SDK1: variants seen among roughly 807,000 people sequenced by gnomAD.
SDK1 encodes the protein sidekick cell adhesion molecule 1, also known as protein sidekick-1.
In SDK1, 157 loss-of-function variants were observed where a neutral mutation model predicts 245.5. That is an observed-to-expected ratio of 0.64 (90% confidence interval 0.56 to 0.73). The LOEUF (loss-of-function observed/expected upper bound fraction) is 0.73, where lower values mean the gene tolerates loss of function less well. Ranked by LOEUF, SDK1 falls within the 30% of genes least tolerant of loss-of-function variation. The probability of loss-of-function intolerance (pLI) is 0.00; values close to 1 mark genes in which losing one functional copy is unlikely to be tolerated. For synonymous variants in SDK1, 1,647 were observed against 1,278.5 expected, an observed-to-expected ratio of 1.29 and a Z score of -6.15; for missense variants, 3,583 against 3,002.3, an observed-to-expected ratio of 1.19 and a Z score of -4.52.
At chr7:4,104,379 A>C (rs1469553385) in intron 22 of SDK1, among the ~76,000 whole-genome samples, 1 of 152,150 alleles carries the variant, frequency 6.6e-6, no homozygotes, top group Admixed American at 6.5e-5. Flanking sequence ...GCTTTAATAA[A>C]CCTGCTAGGG....
At chr7:3,884,428 A>G (rs28560779) in intron 5 of SDK1, among the ~76,000 whole-genome samples, 2 of 152,142 alleles carry the variant, frequency 1.3e-5, no homozygotes, top group Non-Finnish European at 2.9e-5. Context: ...GTTTGTGAGT[A>G]TCACTGCACG....
In SDK1 at chr7:3,749,225, C is replaced by T. The variant is rs112106711; in HGVS notation, c.714-72225C>T. Reference sequence around the variant, plus strand: ...AATCTCTGCTCACTGCAACCTCCGCCTCCTGGTTTCAAGCAATTCTCCTGC... The same window carrying T: ...AATCTCTGCTCACTGCAACCTCCGCTTCCTGGTTTCAAGCAATTCTCCTGC... On this transcript the variant is annotated intron_variant, in intron 4 of 44. Transcript: ENST00000404826. Among the ~76,000 whole-genome samples the T allele has an allele frequency of 6.3e-3, 958 of 152,266 alleles. 9 individuals are homozygous for T. Among genetic ancestry groups the T allele is most frequent in the African/African-American group, 0.022 (894 of 41,534 alleles).
At chr7:3,644,438 T>G (rs1386984996) in intron 4 of SDK1, among the ~76,000 whole-genome samples, 1 of 151,856 alleles carries the variant, frequency 6.6e-6, no homozygotes, top group East Asian at 1.9e-4. Context: ...GAAGGATCAA[T>G]TTTTCATTCT....
intron 19 of SDK1, among the ~76,000 whole-genome samples, chr7:4,066,361 C>G (rs544471725): frequency 6.6e-6 from 1 of 152,182 alleles, no homozygotes; most frequent in Non-Finnish European, 1.5e-5. Context: ...TGGAGGGGCA[C>G]TTTCAGGCAC....
intron 21 of SDK1, among the ~76,000 whole-genome samples, chr7:4,077,726 T>A (rs1195605974): frequency 6.6e-6 from 1 of 152,132 alleles, no homozygotes; most frequent in African/African-American, 2.4e-5. Context: ...TTAAAACCCA[T>A]AGATCTTGTG....
intron 5 of SDK1, among the ~76,000 whole-genome samples, chr7:3,857,230 A>G (rs1003346441): frequency 9.8e-5 from 15 of 152,316 alleles, no homozygotes; most frequent in African/African-American, 3.1e-4. Context: ...AAAGATGTCT[A>G]CTATTAACAT....
At chr7:3,816,709 A>C (rs1005995792) in intron 4 of SDK1, among the ~76,000 whole-genome samples, 2 of 152,234 alleles carry the variant, frequency 1.3e-5, no homozygotes, top group Non-Finnish European at 2.9e-5. Context: ...GTCGTTGTAC[A>C]GCTAAGGAAA....
chr7:3,995,201 C>A (rs1342294125), intron 14 of SDK1, among the ~76,000 whole-genome samples: 1 of 152,212 alleles, frequency 6.6e-6, no homozygotes. Context: ...ATTCCCTGGG[C>A]ACACCAGATA....
At chr7:4,221,425 T>A in intron 40 of SDK1, 61 bp downstream of exon 40, 1 of 1,523,430 alleles carries the variant, frequency 6.6e-7, no homozygotes, top group Admixed American at 2.0e-5. Flanking sequence ...CTTCTAAGAC[T>A]GTGTCGGGGG....
At chr7:4,045,198 G>A (rs764016383) in intron 17 of SDK1, among the ~76,000 whole-genome samples, 2 of 152,048 alleles carry the variant, frequency 1.3e-5, no homozygotes, top group African/African-American at 2.4e-5. Flanking sequence ...GATGTTTGCA[G>A]TTTGGGGTGA....
intron 35 of SDK1, among the ~76,000 whole-genome samples, chr7:4,202,339 C>T (rs191529762): frequency 6.6e-6 from 1 of 152,362 alleles, no homozygotes; most frequent in African/African-American, 2.4e-5. Context: ...GTGCTGGTCC[C>T]TCCCGCTGCC....
At chr7:3,627,417 A>G (rs1583243957) in intron 2 of SDK1, among the ~76,000 whole-genome samples, 1 of 152,314 alleles carries the variant, frequency 6.6e-6, no homozygotes, top group East Asian at 1.9e-4. Context: ...GGAGGTATTC[A>G]TGCTTCCAGA....
chr7:3,448,422 G>T (rs1214452284), intron 1 of SDK1, among the ~76,000 whole-genome samples: 4 of 151,508 alleles, frequency 2.6e-5, no homozygotes, highest in African/African-American at 9.7e-5. Context: ...TATTTATTTT[G>T]GAAGTTTTCC....
At chr7:3,949,021 A>G (rs1457326326) in intron 5 of SDK1, among the ~76,000 whole-genome samples, 4 of 152,114 alleles carry the variant, frequency 2.6e-5, no homozygotes, top group Non-Finnish European at 5.9e-5. Flanking sequence ...TTGGCATTCC[A>G]TTCCTGTCCT....
chr7:4,013,954 C>T (rs536796718), intron 16 of SDK1, among the ~76,000 whole-genome samples: 2 of 152,360 alleles, frequency 1.3e-5, no homozygotes, highest in Admixed American at 6.5e-5. Context: ...TGACCACCTC[C>T]GCTCCAGAAA....
At chr7:4,114,428 G>A (rs1005495960) in intron 25 of SDK1, among the ~76,000 whole-genome samples, 154 bp downstream of exon 25, 7 of 152,088 alleles carry the variant, frequency 4.6e-5, no homozygotes, top group African/African-American at 1.2e-4. Context: ...GGCCAGACTC[G>A]GCAGGAATTT....
chr7:3,542,031 G>A (rs907010542), intron 1 of SDK1, among the ~76,000 whole-genome samples: 1 of 152,158 alleles, frequency 6.6e-6, no homozygotes, highest in Admixed American at 6.5e-5. Flanking sequence ...TTGTGCACAT[G>A]TACCCTCAAA....
intron 1 of SDK1, among the ~76,000 whole-genome samples, chr7:3,467,455 A>G (rs1225985213): frequency 6.6e-6 from 1 of 152,096 alleles, no homozygotes; most frequent in Non-Finnish European, 1.5e-5. Context: ...TACAAAAAGT[A>G]AAAATATACC....
chr7:4,194,510 A>G (rs1166745098), intron 35 of SDK1, among the ~76,000 whole-genome samples: 2 of 152,076 alleles, frequency 1.3e-5, no homozygotes, highest in African/African-American at 4.8e-5. Flanking sequence ...ATTAAGTATT[A>G]ACTTACAGGA....
Sources: allele counts gnomAD v4.1 joint callset (sites outside exome capture counted in the v4.1 genomes callset), GRCh38; gene constraint gnomAD v4.1.1; transcripts MANE v1.5; gene names NCBI Gene and HGNC (gene_info 2026-07-23, HGNC 2026-07-21).